The following TTN variants were observed in gnomAD, a reference collection of about 807,000 sequenced individuals.
The protein encoded by TTN is connectin.
Under a neutral mutation model 3,223.0 loss-of-function variants are expected in TTN, and 1,525 were observed. The observed-to-expected ratio is 0.47, with a 90% confidence interval of 0.45 to 0.49. The LOEUF (loss-of-function observed/expected upper bound fraction) is 0.49. Among genes scored for constraint, TTN ranks in the 20% least tolerant of loss-of-function variants. TTN has a pLI of 0.00. For synonymous variants in TTN, 14,094 were observed against 15,161.0 expected, an observed-to-expected ratio of 0.93 and a Z score of 5.17; for missense variants, 40,786 against 43,424.0, an observed-to-expected ratio of 0.94 and a Z score of 5.40.
At position 178,587,139 on chromosome 2, in the gene TTN, C is replaced by T. The variant is rs371725212; in HGVS notation, c.64072G>A (p.Val21358Met). 1.1e-5 allele frequency: 17 copies of T among 1,613,060 alleles called. No homozygotes were observed. The highest frequency in any genetic ancestry group is 1.4e-5 in the Non-Finnish European group (16 of 1,179,392). The change falls in exon 307 of 363, where the codon GTG becomes ATG. Residue 21358 changes from valine (V) to methionine (M), a missense_variant. Val to Met is a conservative substitution (Grantham distance 21). Transcript: ENST00000589042. ...TTACTTAGAGGATCTGATGCAAGCA[C>T]TGGTTTTGGGACATCTGTTGGGACG... ...PGVPTDVPKPVLASDPLSEPD... is the reference protein window; with the variant it reads ...PGVPTDVPKPMLASDPLSEPD...
chr2:178,607,370 A>G, intron 277 of TTN, 31 bp downstream of exon 277: 1 of 1,612,742 alleles, frequency 6.2e-7, no homozygotes, highest in Non-Finnish European at 8.5e-7. Flanking sequence ...ACTTGGGAAA[A>G]TCCTGTGAAA....
Position 178,530,609 on chromosome 2 carries a change from A to G in TTN, c.106006T>C (p.Tyr35336His). ...AGCTCATAGGTACCATCTGCTGAATAATGAAACTGGAAATGCCCATTTTCC... is the reference window on the plus strand; with the variant it reads ...AGCTCATAGGTACCATCTGCTGAATGATGAAACTGGAAATGCCCATTTTCC... The part of the protein sequence containing the change: ...LKENGHFQFH[Y>H]SADGTYELKI... The change falls in exon 358 of 363, where the codon TAT (tyrosine) becomes CAT (histidine). Residue 35336 changes from tyrosine to histidine, a missense_variant. Physicochemically the swap from Tyr to His is moderately conservative, Grantham distance 83 (BLOSUM62 2). Coordinates refer to ENST00000589042, the MANE Select transcript of TTN (RefSeq NM_001267550.2). 1 of 1,614,040 alleles carries G rather than the reference A, an allele frequency of 6.2e-7. No individual in the cohort carries two copies. Among genetic ancestry groups the G allele is most frequent in the Non-Finnish European group, 8.5e-7 (1 of 1,179,902 alleles).
At position 178,562,430 on chromosome 2, in the gene TTN, T is replaced by C. The variant is rs1213668356; in HGVS notation, c.83702A>G (p.Glu27901Gly). Residue 27901 changes from glutamate (E) to glycine (G), a missense_variant, in exon 326 of 363, where the codon GAA (glutamate) becomes GGA (glycine). Glu to Gly is a moderately conservative substitution (Grantham distance 98). Coordinates refer to ENST00000589042, the MANE Select transcript of TTN (RefSeq NM_001267550.2). The part of the protein sequence containing the change: ...GGSKITGYVV[E>G]MQTKGSEKWS... The stretch of plus-strand genomic sequence containing the variant: ...CTTTTCACTCCCTTTAGTCTGCATT[T>C]CAACCACATAACCAGTAATTTTGCT... 6.2e-7 allele frequency: 1 copy of C among 1,613,186 alleles called. No homozygotes were observed. The highest frequency in any genetic ancestry group is 1.3e-5 in the African/African-American group (1 of 74,886).
chr2:178,620,262 T>C lies in TTN; in HGVS notation c.46259A>G (p.Asn15420Ser). ...FSCQLSREKANVKWYRNGREI... is the reference protein window; with the variant it reads ...FSCQLSREKASVKWYRNGREI... ...TCTCCCATTTCTGTACCATTTTACATTGGCTTTCTCTCTGGAGAGCTGGCA... is the reference window on the plus strand; with the variant it reads ...TCTCCCATTTCTGTACCATTTTACACTGGCTTTCTCTCTGGAGAGCTGGCA... The change falls in exon 248 of 363, where the codon AAT becomes AGT. Residue 15420 changes from asparagine (N) to serine (S), a missense_variant. Transcript: ENST00000589042. 3 of 1,541,372 alleles carry C rather than the reference T, an allele frequency of 1.9e-6. No individual in the cohort carries two copies. The highest frequency in any genetic ancestry group is 2.3e-5 in the East Asian group (1 of 44,132).
At chr2:178,720,356 C>A in intron 80 of TTN, 29 bp downstream of exon 80, 1 of 1,595,474 alleles carries the variant, frequency 6.3e-7, no homozygotes, top group Non-Finnish European at 8.5e-7. Context: ...GAGGAAGGGG[C>A]ATATATTTTT....
intron 139 of TTN, 68 bp downstream of exon 139, chr2:178,680,186 A>C: frequency 6.3e-7 from 1 of 1,589,730 alleles, no homozygotes; most frequent in East Asian, 2.2e-5. Flanking sequence ...AAGTTTTCAC[A>C]CACAGAACTG....
Position 178,571,268 on chromosome 2 carries a change from C to A in TTN, c.74864G>T (p.Trp24955Leu). 1 of 1,613,472 alleles carries A rather than the reference C, an allele frequency of 6.2e-7. No individual in the cohort carries two copies. The highest frequency in any genetic ancestry group is 8.5e-7 in the Non-Finnish European group (1 of 1,179,624). Reference protein sequence around the residue: ...LERKERNSILWVKLNKTPIPQ... With the variant: ...LERKERNSILLVKLNKTPIPQ... The stretch of plus-strand genomic sequence containing the variant: ...AATAGGTGTTTTATTCAACTTAACC[C>A]AGAGGATGCTATTTCTTTCCTTGCG... Residue 24955 changes from tryptophan to leucine, a missense_variant, in exon 326 of 363, where the codon TGG (tryptophan) becomes TTG (leucine). Trp to Leu is a moderately conservative substitution (Grantham distance 61, BLOSUM62 -2). Transcript: ENST00000589042.
chr2:178,553,714 C>T lies in TTN; in HGVS notation c.89291G>A (p.Ser29764Asn). 6.2e-7 allele frequency: 1 copy of T among 1,613,794 alleles called. No homozygotes were observed. The highest frequency in any genetic ancestry group is 8.5e-7 in the Non-Finnish European group (1 of 1,179,756). ...CTCGACAACATACCCAGTAACAGCA[C>T]TGCCCCCATCATAGACAGGCTTACT... ...GWSKPVYDGG[S>N]AVTGYVVEIR... is the part of the protein sequence containing the mutation. The change falls in exon 334 of 363, where the codon AGT (serine) becomes AAT (asparagine). Residue 29764 changes from serine (S) to asparagine (N), a missense_variant. Transcript: ENST00000589042.
intron 270 of TTN, among the ~76,000 whole-genome samples, chr2:178,610,634 TG>T (rs2056104715): frequency 2.0e-5 from 3 of 151,860 alleles, no homozygotes; most frequent in African/African-American, 7.2e-5. Context: ...TTTGCAGGGC[TG>T]GGGGGAATGC....
chr2:178,564,575 T>C lies in TTN; in HGVS notation c.81557A>G (p.Asn27186Ser), dbSNP rs368933290. ...RPEAIVITRN[N>S]VTLKWKKPAY... ...AGGTTTCTTCCATTTCAGTGTGACA[T>C]TGTTTCTTGTAATAACAATGGCTTC... The change falls in exon 326 of 363, where the codon AAT (asparagine) becomes AGT (serine). Residue 27186 changes from asparagine to serine, a missense_variant. Coordinates refer to ENST00000589042, the MANE Select transcript of TTN (RefSeq NM_001267550.2). 1 of 1,613,498 alleles carries C rather than the reference T, an allele frequency of 6.2e-7. No individual in the cohort carries two copies. The highest frequency in any genetic ancestry group is 8.5e-7 in the Non-Finnish European group (1 of 1,179,686).
In TTN at chr2:178,722,437, C is replaced by T. The variant is rs2078557164; in HGVS notation, c.22350G>A (p.Val7450=). 8.7e-6 allele frequency: 14 copies of T among 1,613,412 alleles called. No homozygotes were observed. Among genetic ancestry groups the T allele is most frequent in the South Asian group, 1.1e-5 (1 of 91,066 alleles). ...CRLNGSAPIQ[V]CWYRDGVLLR... ...AAAGTACTCCATCTCTATACCAGCA[C>T]ACTTGGATGGGTGCAGAGCCATTTA... Residue 7450 remains valine, a synonymous_variant, in exon 77 of 363, where the codon GTG becomes GTA. Coordinates refer to ENST00000589042, the MANE Select transcript of TTN (RefSeq NM_001267550.2).
At chr2:178,543,772 T>A (rs1695726335) in intron 346 of TTN, 62 bp downstream of exon 346, 1 of 1,582,462 alleles carries the variant, frequency 6.3e-7, no homozygotes, top group Non-Finnish European at 8.6e-7. Context: ...CAATCATAGG[T>A]CAAGCTATAT....
chr2:178,748,883 T>C, intron 47 of TTN: 1 of 1,612,452 alleles, frequency 6.2e-7, no homozygotes, highest in Non-Finnish European at 8.5e-7. Flanking sequence ...TGCATTTAGA[T>C]TGCTTGATCT....
Position 178,620,353 on chromosome 2 carries a change from G to T in TTN, c.46168C>A (p.Pro15390Thr). The T allele has an allele frequency of 6.2e-7, 1 of 1,605,628 alleles. No individual in the cohort carries two copies. The highest frequency in any genetic ancestry group is 1.3e-5 in the African/African-American group (1 of 74,682). ...TCCAAGTGTTCCACAAATTCTGTCG[G>T]GGCTTCTATGATGAGAAGCTCAGCA... The part of the protein sequence containing the change: ...SVAELLIIEA[P>T]TEFVEHLEDQ... The change falls in exon 248 of 363, where the codon CCG becomes ACG. Residue 15390 changes from proline (P) to threonine (T), a missense_variant. Pro to Thr is a conservative substitution (Grantham distance 38). Transcript: ENST00000589042.
chr2:178,617,077 G>A, intron 255 of TTN, 43 bp downstream of exon 255: 2 of 1,610,684 alleles, frequency 1.2e-6, no homozygotes, highest in South Asian at 1.1e-5. Flanking sequence ...CCCCAAAGTA[G>A]CTATGTGCTA....
intron 282 of TTN, among the ~76,000 whole-genome samples, chr2:178,603,564 T>G (rs981367543): frequency 1.3e-5 from 2 of 151,950 alleles, no homozygotes; most frequent in African/African-American, 4.8e-5. Context: ...AGATAGAAAT[T>G]TATTTAAAGT....
chr2:178,677,154 G>T, intron 147 of TTN, 47 bp downstream of exon 147: 1 of 1,172,038 alleles, frequency 8.5e-7, no homozygotes, highest in Non-Finnish European at 1.1e-6. Flanking sequence ...TAATTTATGT[G>T]ACCAAGCTAT....
Position 178,599,673 on chromosome 2 carries a change from A to G in TTN, c.56228T>C (p.Val18743Ala), listed in dbSNP as rs1458979908. ...LYDTHVNKLVVDDTCTLVIPQ... is the reference protein window; with the variant it reads ...LYDTHVNKLVADDTCTLVIPQ... ...AATAACTAAAGTGCAAGTATCATCTACCACCAGTTTGTTGACATGGGTGTC... is the reference window on the plus strand; with the variant it reads ...AATAACTAAAGTGCAAGTATCATCTGCCACCAGTTTGTTGACATGGGTGTC... The change falls in exon 289 of 363, where the codon GTA (valine) becomes GCA (alanine). Residue 18743 changes from valine (V) to alanine (A), a missense_variant. Val to Ala is a moderately conservative substitution (Grantham distance 64). Transcript: ENST00000589042. 1 of 1,612,986 alleles carries G rather than the reference A, an allele frequency of 6.2e-7. No homozygotes were observed. Among genetic ancestry groups the G allele is most frequent in the Non-Finnish European group, 8.5e-7 (1 of 1,179,384 alleles).
Position 178,718,376 on chromosome 2 carries a change from G to A in TTN, c.24730C>T (p.Leu8244=), listed in dbSNP as rs879037219. The change falls in exon 85 of 363, where the codon CTG becomes TTG. Residue 8244 remains leucine, a synonymous_variant. Transcript: ENST00000589042. Reference sequence around the variant, plus strand: ...TCTTGACCAGCCTCATTTTCTATCAGGCAGCTGTACTGTGCATAATCCTCT... The same window carrying A: ...TCTTGACCAGCCTCATTTTCTATCAAGCAGCTGTACTGTGCATAATCCTCT... ...TIEDYAQYSC[L]IENEAGQDIC... The A allele has an allele frequency of 3.1e-6, 5 of 1,613,598 alleles. No individual in the cohort carries two copies. The African/African-American group carries it at 6.7e-5, about 22-fold the overall frequency.
Sources: allele counts gnomAD v4.1 joint callset (sites outside exome capture counted in the v4.1 genomes callset), GRCh38; gene constraint gnomAD v4.1.1; transcripts MANE v1.5; gene names NCBI Gene and HGNC (gene_info 2026-07-23, HGNC 2026-07-21).